Variants in ASCC1 observed in about 807,000 individuals in gnomAD.
The protein encoded by ASCC1 is activating signal cointegrator 1 complex subunit 1, also known as ASC-1 complex subunit P50.
In ASCC1, 35 loss-of-function variants were observed where a neutral mutation model predicts 46.6. The ratio of observed to expected loss-of-function variants is 0.75; its 90% CI spans 0.57 to 0.99. ASCC1 has a LOEUF of 0.99. Among genes scored for constraint, ASCC1 ranks in the 50% least tolerant of loss-of-function variants. The pLI, the probability that ASCC1 is intolerant of heterozygous loss-of-function variation, is 0.00. For synonymous variants in ASCC1, 143 were observed against 146.6 expected, an observed-to-expected ratio of 0.98 and a Z score of 0.18; for missense variants, 376 against 428.7, an observed-to-expected ratio of 0.88 and a Z score of 1.09.
At chr10:72,110,334 G>A (rs377123204) in intron 9 of ASCC1, among the ~76,000 whole-genome samples, 92 of 152,316 alleles carry the variant, frequency 6.0e-4, no homozygotes, top group African/African-American at 1.9e-3. Flanking sequence ...CAGCAACAGG[G>A]ACATTTCTTC....
chr10:72,120,025 T>C (rs1245460355), intron 9 of ASCC1, among the ~76,000 whole-genome samples: 1 of 152,104 alleles, frequency 6.6e-6, no homozygotes, highest in African/African-American at 2.4e-5. Context: ...TCACCTGAGG[T>C]CAGGAGTTTA....
At chr10:72,132,354 G>A (rs1177990736) in intron 8 of ASCC1, among the ~76,000 whole-genome samples, 1 of 151,948 alleles carries the variant, frequency 6.6e-6, no homozygotes, top group Non-Finnish European at 1.5e-5. Context: ...TTGGAGATAG[G>A]GACAGGAAGA....
chr10:72,193,874 G>A (rs1037924732), intron 5 of ASCC1, among the ~76,000 whole-genome samples: 11 of 143,606 alleles, frequency 7.7e-5, no homozygotes, highest in South Asian at 4.3e-4. Flanking sequence ...CATCACTGTC[G>A]CCCAGGTTGG....
chr10:72,164,957 A>G (rs1353877120), intron 5 of ASCC1, among the ~76,000 whole-genome samples: 1 of 152,138 alleles, frequency 6.6e-6, no homozygotes, highest in African/African-American at 2.4e-5. Flanking sequence ...TCTTTTGCCC[A>G]TTTCAAAACT....
intron 6 of ASCC1, among the ~76,000 whole-genome samples, chr10:72,155,128 T>A (rs1848803947): frequency 6.6e-6 from 1 of 152,134 alleles, no homozygotes; most frequent in Non-Finnish European, 1.5e-5. Flanking sequence ...ATCTATAAAA[T>A]CCCTGGAAGG....
intron 5 of ASCC1, among the ~76,000 whole-genome samples, chr10:72,196,205 G>A (rs1388131840): frequency 6.6e-6 from 1 of 151,706 alleles, no homozygotes. Context: ...ACAGATAATG[G>A]CATCTCATTA....
chr10:72,152,787 A>C lies in ASCC1; in HGVS notation c.746+82T>G, dbSNP rs907671290. 5.9e-6 allele frequency: 9 copies of C among 1,531,770 alleles called. No homozygotes were observed. The South Asian group carries it at 9.1e-5, about 16-fold the overall frequency. The allele number at this position is 1,531,770 out of a possible 1,614,324, so 94.9% of individuals were successfully genotyped here. ...GTTCTTTACAATAAGAACTCAAAGAAAAGGAATCAAAATGAATCAAACTTT... is the reference window on the plus strand; with the variant it reads ...GTTCTTTACAATAAGAACTCAAAGACAAGGAATCAAAATGAATCAAACTTT... On this transcript the variant is annotated intron_variant, in intron 7 of 9. Transcript: ENST00000672957.
At chr10:72,180,219 C>T (rs1481281794) in intron 5 of ASCC1, among the ~76,000 whole-genome samples, 1 of 151,666 alleles carries the variant, frequency 6.6e-6, no homozygotes, top group African/African-American at 2.4e-5. Flanking sequence ...GCAGAGGTTG[C>T]AGTAAGCCAA....
chr10:72,206,972 T>A (rs144714351), intron 3 of ASCC1, among the ~76,000 whole-genome samples: 1 of 152,178 alleles, frequency 6.6e-6, no homozygotes, highest in African/African-American at 2.4e-5. Context: ...TCTGGGTCTC[T>A]TCCCCAGCCT....
intron 9 of ASCC1, among the ~76,000 whole-genome samples, chr10:72,123,507 G>A (rs143562685): frequency 6.6e-6 from 1 of 152,062 alleles, no homozygotes; most frequent in Admixed American, 6.6e-5. Context: ...TGCCAATAGT[G>A]GGGGAGGCTG....
intron 5 of ASCC1, among the ~76,000 whole-genome samples, chr10:72,194,346 C>G (rs1391827170): frequency 7.0e-6 from 1 of 141,936 alleles, no homozygotes; most frequent in Non-Finnish European, 1.5e-5. Flanking sequence ...TATTTTTTGT[C>G]AACTGAAATA....
intron 4 of ASCC1, among the ~76,000 whole-genome samples, chr10:72,201,152 T>TTGTG (rs138296521): frequency 9.9e-5 from 15 of 151,704 alleles, no homozygotes; most frequent in African/African-American, 3.6e-4. Flanking sequence ...GATTATTCTT[T>TTGTG]TGTGTGTGTG....
chr10:72,116,761 G>A (rs1392840514), intron 9 of ASCC1, among the ~76,000 whole-genome samples: 1 of 151,992 alleles, frequency 6.6e-6, no homozygotes, highest in Non-Finnish European at 1.5e-5. Context: ...TGTTATATTG[G>A]TTTTTCTTTT....
At position 72,096,991 on chromosome 10, in the gene ASCC1, A is replaced by G. The variant is rs1841161301; in HGVS notation, c.*343T>C. 2.2e-6 allele frequency: 1 copy of G among 456,282 alleles called. No individual in the cohort carries two copies. The highest frequency in any genetic ancestry group is 2.0e-5 in the African/African-American group (1 of 50,122). The allele number at this position is 456,282 out of a possible 1,614,324, so 28.3% of individuals were successfully genotyped here. A position where few individuals can be genotyped will look rare whatever the true frequency, so the allele number is the denominator to read the frequency against. On this transcript the variant is annotated 3_prime_UTR_variant, in exon 10 of 10. Coordinates refer to ENST00000672957, the MANE Select transcript of ASCC1 (RefSeq NM_001198800.3). ...GGAGATGGACGGCGGTGACGGCCAC[A>G]CAGCATTATGAATGTATTAACAGTT...
At chr10:72,187,411 G>A (rs781626110) in intron 5 of ASCC1, among the ~76,000 whole-genome samples, 4 of 151,944 alleles carry the variant, frequency 2.6e-5, no homozygotes, top group Admixed American at 6.6e-5. Flanking sequence ...AGACCATGAC[G>A]GCTAACACAG....
intron 6 of ASCC1, among the ~76,000 whole-genome samples, chr10:72,159,647 A>G (rs1046364851): frequency 2.0e-5 from 3 of 152,178 alleles, no homozygotes; most frequent in African/African-American, 7.2e-5. Flanking sequence ...GCTTTGCTTT[A>G]TATAAGGGAA....
intron 5 of ASCC1, among the ~76,000 whole-genome samples, chr10:72,175,095 T>C (rs1349598824): frequency 6.6e-6 from 1 of 152,230 alleles, no homozygotes; most frequent in African/African-American, 2.4e-5. Flanking sequence ...AAAGAAGTTA[T>C]TCAAATAAGG....
At chr10:72,113,025 A>T (rs1431938550) in intron 9 of ASCC1, among the ~76,000 whole-genome samples, 2 of 152,214 alleles carry the variant, frequency 1.3e-5, no homozygotes, top group African/African-American at 2.4e-5. Context: ...GTAAGAACAG[A>T]CATCCCGTTC....
chr10:72,126,244 T>C (rs1327988828), intron 9 of ASCC1, among the ~76,000 whole-genome samples: 2 of 152,200 alleles, frequency 1.3e-5, no homozygotes, highest in South Asian at 2.1e-4. Context: ...CACTTTACCT[T>C]AGTAGATTTC....
Sources: gnomAD v4.1 joint callset for allele counts (sites outside exome capture counted in the v4.1 genomes callset) on GRCh38, gnomAD v4.1.1 for gene constraint, MANE v1.5 for transcripts, NCBI Gene and HGNC (gene_info 2026-07-23, HGNC 2026-07-21) for gene names.